Variants in BPTF observed in about 807,000 individuals in gnomAD.
The protein encoded by BPTF is nucleosome-remodeling factor subunit BPTF.
A neutral mutation model predicts 292.5 loss-of-function variants in BPTF; 18 were observed. The ratio of observed to expected loss-of-function variants is 0.06; its 90% CI spans 0.04 to 0.09. The LOEUF (loss-of-function observed/expected upper bound fraction) is 0.09, where lower values mean the gene tolerates loss of function less well. Among genes scored for constraint, BPTF ranks in the 10% least tolerant of loss-of-function variants. The probability of loss-of-function intolerance (pLI) is 1.00; values close to 1 mark genes in which losing one functional copy is unlikely to be tolerated. For missense variants in BPTF, 2,726 were observed against 3,498.7 expected (o/e 0.78, Z 5.57); for synonymous variants, 1,225 against 1,251.9 (o/e 0.98, Z 0.45).
chr17:67,929,170 C>T, intron 16 of BPTF, 166 bp from the exon 17 acceptor site: 1 of 1,392,332 alleles, frequency 7.2e-7, no homozygotes, highest in Non-Finnish European at 9.3e-7. Flanking sequence ...CATACTGTTG[C>T]CATTATTTTT....
chr17:67,908,415 A>G (rs972436664), intron 9 of BPTF, among the ~76,000 whole-genome samples: 1 of 151,554 alleles, frequency 6.6e-6, no homozygotes, highest in Non-Finnish European at 1.5e-5. Context: ...TCAGCCTCCC[A>G]AAGTGCTGGG....
intron 2 of BPTF, among the ~76,000 whole-genome samples, chr17:67,865,679 A>G (rs2059352241): frequency 6.6e-6 from 1 of 152,242 alleles, no homozygotes; most frequent in Non-Finnish European, 1.5e-5. Flanking sequence ...GAGTGGGGAC[A>G]GAAATACCAT....
At position 67,940,492 on chromosome 17, in the gene BPTF, G is replaced by T; in HGVS notation, c.6313G>T (p.Ala2105Ser). Reference sequence around the variant, plus strand: ...CATCAGGGGGCAGCCTGTCTCCACTGCAGTCTCCGCCCCTAACACGGTTTC... The same window carrying T: ...CATCAGGGGGCAGCCTGTCTCCACTTCAGTCTCCGCCCCTAACACGGTTTC... ...QIIRGQPVSTAVSAPNTVSST... is the reference protein window; with the variant it reads ...QIIRGQPVSTSVSAPNTVSST... Residue 2105 changes from alanine to serine, a missense_variant, in exon 19 of 28, where the codon GCA (alanine) becomes TCA (serine). By Grantham distance (99) the Ala-to-Ser change is moderately conservative. Around this residue, in one of 22 missense-constraint regions of BPTF, gnomAD observed 570 missense variants for 633.5 expected, o/e 0.90. Transcript: ENST00000306378. 7 of 1,614,110 alleles carry T rather than the reference G, an allele frequency of 4.3e-6. No individual in the cohort carries two copies. Among genetic ancestry groups the T allele is most frequent in the African/African-American group, 2.7e-5 (2 of 75,022 alleles).
chr17:67,958,958 T>C (rs1230259334), intron 23 of BPTF, among the ~76,000 whole-genome samples: 1 of 152,038 alleles, frequency 6.6e-6, no homozygotes, highest in Non-Finnish European at 1.5e-5. Context: ...TCTCAAAAAA[T>C]ATATATATGA....
chr17:67,836,541 A>C (rs2144136324), intron 1 of BPTF, among the ~76,000 whole-genome samples: 1 of 152,328 alleles, frequency 6.6e-6, no homozygotes, highest in East Asian at 1.9e-4. Flanking sequence ...TCCAACATTT[A>C]AAATAGTGAA....
intron 7 of BPTF, among the ~76,000 whole-genome samples, chr17:67,895,789 C>T (rs2061401708): frequency 6.6e-6 from 1 of 151,976 alleles, no homozygotes; most frequent in Non-Finnish European, 1.5e-5. Flanking sequence ...GTTGCTATAA[C>T]CATTTTAGAG....
At chr17:67,900,088 T>C (rs2061721236) in intron 7 of BPTF, among the ~76,000 whole-genome samples, 1 of 151,868 alleles carries the variant, frequency 6.6e-6, no homozygotes, top group African/African-American at 2.4e-5. Flanking sequence ...CTAGGAATAA[T>C]TGTGTGTGTG....
chr17:67,846,211 T>G (rs868088560), intron 1 of BPTF, among the ~76,000 whole-genome samples: 10 of 152,174 alleles, frequency 6.6e-5, no homozygotes, highest in Non-Finnish European at 8.8e-5. Flanking sequence ...AAATATAGGC[T>G]GGGCATGGTG....
chr17:67,899,308 A>G (rs1171561337), intron 7 of BPTF, among the ~76,000 whole-genome samples: 5 of 152,196 alleles, frequency 3.3e-5, no homozygotes, highest in African/African-American at 9.6e-5. Flanking sequence ...GACCTGTTTT[A>G]TGCTGCAGTC....
In BPTF at chr17:67,911,252, A is replaced by T; in HGVS notation, c.3368A>T (p.Glu1123Val). 6.2e-7 allele frequency: 1 copy of T among 1,614,090 alleles called. No homozygotes were observed. The highest frequency in any genetic ancestry group is 8.5e-7 in the Non-Finnish European group (1 of 1,180,004). The part of the protein sequence containing the change: ...EGCQSDSMRQ[E>V]QSPNANNDQP... The stretch of plus-strand genomic sequence containing the variant: ...TGTCAGAGTGACTCGATGAGACAAG[A>T]ACAGAGCCCAAATGCAAATAATGAT... Residue 1123 changes from glutamate to valine, a missense_variant, in exon 11 of 28, where the codon GAA becomes GTA. Around this residue, in one of 22 missense-constraint regions of BPTF, gnomAD observed 713 missense variants for 714.9 expected, o/e 1.00. Transcript: ENST00000306378.
intron 3 of BPTF, among the ~76,000 whole-genome samples, chr17:67,873,019 C>A (rs1423123467): frequency 6.6e-6 from 1 of 152,098 alleles, no homozygotes; most frequent in African/African-American, 2.4e-5. Flanking sequence ...TCTAGGAGTT[C>A]AAGGTTACAG....
chr17:67,877,460 T>G (rs2060119645), intron 4 of BPTF, among the ~76,000 whole-genome samples: 1 of 152,232 alleles, frequency 6.6e-6, no homozygotes, highest in African/African-American at 2.4e-5. Context: ...GGGAGAATTG[T>G]TAAAGGCAGA....
At chr17:67,875,551 T>A in intron 4 of BPTF, 5 of 1,498,256 alleles carry the variant, frequency 3.3e-6, no homozygotes, top group Non-Finnish European at 4.5e-6. Context: ...TGCATTTTGC[T>A]GTAGAGCCAA....
chr17:67,855,530 G>T (rs2058638492), intron 2 of BPTF, among the ~76,000 whole-genome samples: 1 of 152,170 alleles, frequency 6.6e-6, no homozygotes, highest in Admixed American at 6.5e-5. Context: ...AATCCCCCAG[G>T]AGAAGATGAT....
intron 8 of BPTF, 107 bp downstream of exon 8, chr17:67,904,025 T>C (rs1300894435): frequency 1.2e-6 from 1 of 841,438 alleles, no homozygotes; most frequent in Non-Finnish European, 1.7e-6. Context: ...CTTTGTATTT[T>C]ATTTATTTAT....
rs782691095 is a variant in BPTF at position 67,948,426 on chromosome 17, G to T, written c.7926+120G>T. ...TATGTTTTCTAGAACTTACATTTGT[G>T]TACATAGAGTAAAAAGCAGTGCAGC... is the stretch of plus-strand genomic sequence containing the variant. On this transcript the variant is annotated intron_variant, in intron 23 of 27. Coordinates refer to ENST00000306378, the MANE Select transcript of BPTF (RefSeq NM_182641.4). The T allele has an allele frequency of 6.5e-6, 6 of 926,806 alleles. No individual in the cohort carries two copies. The African/African-American group carries it at 8.4e-5, about 13-fold the overall frequency. The allele number at this position is 926,806 out of a possible 1,614,324, so 57.4% of individuals were successfully genotyped here.
intron 27 of BPTF, among the ~76,000 whole-genome samples, chr17:67,980,994 C>T (rs2070284006): frequency 6.6e-6 from 1 of 152,114 alleles, no homozygotes; most frequent in Non-Finnish European, 1.5e-5. Flanking sequence ...CCCATCCCTA[C>T]AGAAAATACA....
In BPTF at chr17:67,893,411, C is replaced by T. The variant is rs1267544051; in HGVS notation, c.2097C>T (p.Ser699=). 1.2e-6 allele frequency: 2 copies of T among 1,613,992 alleles called. No homozygotes were observed. The highest frequency in any genetic ancestry group is 1.7e-6 in the Non-Finnish European group (2 of 1,179,972). The change falls in exon 6 of 28, where the codon AGC becomes AGT. Residue 699 remains serine, a synonymous_variant. Coordinates refer to ENST00000306378, the MANE Select transcript of BPTF (RefSeq NM_182641.4). Reference sequence around the variant, plus strand: ...CTCAAGGAGAAATTTCACGGTTGAGCACCAAAAAGGAAGTGATCATGAAAG... The same window carrying T: ...CTCAAGGAGAAATTTCACGGTTGAGTACCAAAAAGGAAGTGATCATGAAAG... ...VNSQGEISRL[S]TKKEVIMKGN...
intron 19 of BPTF, among the ~76,000 whole-genome samples, chr17:67,941,165 T>C (rs1008346207): frequency 1.3e-5 from 2 of 152,242 alleles, no homozygotes; most frequent in African/African-American, 4.8e-5. Flanking sequence ...CAAAACTTAG[T>C]ATAGGCTGGG....
Sources: allele counts gnomAD v4.1 joint callset (sites outside exome capture counted in the v4.1 genomes callset), GRCh38; gene constraint gnomAD v4.1.1; regional missense constraint gnomAD v4.1.1; transcripts MANE v1.5; gene names NCBI Gene and HGNC (gene_info 2026-07-23, HGNC 2026-07-21).